CHN2: variants seen among roughly 807,000 people sequenced by gnomAD.
CHN2 encodes chimerin 2.
A neutral mutation model predicts 56.3 loss-of-function variants in CHN2; 35 were observed. That is an observed-to-expected ratio of 0.62 (90% CI 0.47 to 0.82). The LOEUF (loss-of-function observed/expected upper bound fraction) is 0.82, where lower values mean the gene tolerates loss of function less well. Among genes scored for constraint, CHN2 ranks in the 40% least tolerant of loss-of-function variants. The pLI is 0.00. For missense variants in CHN2, 491 were observed against 580.5 expected (o/e 0.85, Z 1.58); for synonymous variants, 210 against 212.8 (o/e 0.99, Z 0.12).
At chr7:29,338,829 C>G (rs985294823) in intron 1 of CHN2, among the ~76,000 whole-genome samples, 17 of 152,344 alleles carry the variant, frequency 1.1e-4, no homozygotes, top group African/African-American at 3.8e-4. Context: ...ATCTCCCTCT[C>G]TCAGCCTCCC....
chr7:29,242,757 C>CT (rs1787779620), intron 1 of CHN2, among the ~76,000 whole-genome samples: 4 of 44,244 alleles, frequency 9.0e-5, no homozygotes. Flanking sequence ...GACTTTCCTT[C>CT]TGAAAAAAAA....
At chr7:29,374,355 A>G (rs952929315) in intron 3 of CHN2, among the ~76,000 whole-genome samples, 1 of 151,946 alleles carries the variant, frequency 6.6e-6, no homozygotes, top group African/African-American at 2.4e-5. Flanking sequence ...TGACATATGA[A>G]TTTTTTTCCC....
intron 1 of CHN2, among the ~76,000 whole-genome samples, chr7:29,233,104 A>G (rs1786852552): frequency 6.6e-6 from 1 of 152,248 alleles, no homozygotes; most frequent in Non-Finnish European, 1.5e-5. Context: ...GAGCTCAGGT[A>G]CCAGTGTCTG....
intron 1 of CHN2, among the ~76,000 whole-genome samples, chr7:29,245,561 A>T (rs1021495307): frequency 2.0e-5 from 3 of 152,230 alleles, no homozygotes; most frequent in Non-Finnish European, 4.4e-5. Flanking sequence ...CACACCCTTT[A>T]CGTGCATTAT....
intron 1 of CHN2, among the ~76,000 whole-genome samples, chr7:29,226,457 T>C (rs1786207461): frequency 6.6e-6 from 1 of 152,186 alleles, no homozygotes. Flanking sequence ...TGAAGACAGT[T>C]ACTGTCTTAG....
intron 1 of CHN2, among the ~76,000 whole-genome samples, chr7:29,340,609 A>C (rs1168324958): frequency 6.6e-6 from 1 of 152,222 alleles, no homozygotes; most frequent in African/African-American, 2.4e-5. Flanking sequence ...ACTGTGTACC[A>C]ACTGGACAGT....
At position 29,237,762 on chromosome 7, in the gene CHN2, G is replaced by A. The variant is rs185244096; in HGVS notation, c.49+42772G>A. 2.3e-3 allele frequency among the ~76,000 whole-genome samples: 351 copies of A among 152,236 alleles called. 1 individual carries two copies. Among genetic ancestry groups the A allele is most frequent in the African/African-American group, 8.0e-3 (333 of 41,558 alleles). ...ACAGAAGTTCCAAAGCCAGATAAAT[G>A]AGAGATGCATATAGGAGACCAGTGG... is the stretch of plus-strand genomic sequence containing the variant. On this transcript the variant is annotated intron_variant, in intron 1 of 12. Coordinates refer to ENST00000222792, the MANE Select transcript of CHN2 (RefSeq NM_004067.4).
intron 3 of CHN2, chr7:29,376,363 G>T (rs987005364): frequency 6.6e-6 from 1 of 152,162 alleles, no homozygotes; most frequent in Non-Finnish European, 1.5e-5. Context: ...GCACAAGAGG[G>T]GCAAAGGCCA....
At chr7:29,368,633 A>T (rs1405996548) in intron 3 of CHN2, among the ~76,000 whole-genome samples, 1 of 152,110 alleles carries the variant, frequency 6.6e-6, no homozygotes, top group African/African-American at 2.4e-5. Flanking sequence ...TATTAATGGG[A>T]TTAAATATAG....
At chr7:29,474,687 A>G (rs1786442933) in intron 6 of CHN2, among the ~76,000 whole-genome samples, 1 of 152,236 alleles carries the variant, frequency 6.6e-6, no homozygotes, top group South Asian at 2.1e-4. Flanking sequence ...CTGTAGAGCT[A>G]TCAGCAGCAC....
At chr7:29,333,197 A>G (rs1269179090) in intron 1 of CHN2, among the ~76,000 whole-genome samples, 1 of 152,120 alleles carries the variant, frequency 6.6e-6, no homozygotes, top group African/African-American at 2.4e-5. Context: ...GGGTGTACAG[A>G]GCAGCAATGG....
intron 1 of CHN2, among the ~76,000 whole-genome samples, chr7:29,201,694 C>T (rs1442748680): frequency 2.0e-5 from 3 of 152,122 alleles, no homozygotes; most frequent in Admixed American, 6.5e-5. Context: ...CTCAATAGCA[C>T]ACATGGCCAG....
chr7:29,450,612 T>C (rs1427462502), intron 6 of CHN2, among the ~76,000 whole-genome samples: 1 of 152,180 alleles, frequency 6.6e-6, no homozygotes, highest in Non-Finnish European at 1.5e-5. Context: ...CAGCCCTCGA[T>C]TGCAGCCCCA....
chr7:29,431,023 G>A (rs141295806), intron 6 of CHN2, among the ~76,000 whole-genome samples: 18 of 152,192 alleles, frequency 1.2e-4, no homozygotes, highest in East Asian at 1.9e-4. Context: ...TCCTGCTGGC[G>A]AGTAAGAAAG....
chr7:29,507,181 G>A (rs201910756), intron 10 of CHN2, 47 bp from the exon 11 acceptor site: 8 of 1,527,202 alleles, frequency 5.2e-6, no homozygotes, highest in African/African-American at 4.2e-5. Flanking sequence ...ACATGCCTTG[G>A]TGAAATAAGG....
intron 1 of CHN2, among the ~76,000 whole-genome samples, chr7:29,218,520 A>G (rs1020114032): frequency 2.0e-5 from 3 of 152,164 alleles, no homozygotes; most frequent in Non-Finnish European, 2.9e-5. Flanking sequence ...TTATAGCGGC[A>G]CTATTCACAA....
At chr7:29,412,926 GGAA>G (rs1164978551) in intron 6 of CHN2, among the ~76,000 whole-genome samples, 3 of 152,258 alleles carry the variant, frequency 2.0e-5, no homozygotes, top group Non-Finnish European at 2.9e-5. Flanking sequence ...ATCAACTGTG[GGAA>G]GAAGAAGGAT....
At chr7:29,415,336 A>G (rs1803627583) in intron 6 of CHN2, among the ~76,000 whole-genome samples, 1 of 152,218 alleles carries the variant, frequency 6.6e-6, no homozygotes, top group African/African-American at 2.4e-5. Flanking sequence ...GATGCTAGAG[A>G]TGGAGAATGT....
At chr7:29,436,445 G>C (rs888161825) in intron 6 of CHN2, among the ~76,000 whole-genome samples, 4 of 152,118 alleles carry the variant, frequency 2.6e-5, no homozygotes, top group African/African-American at 9.7e-5. Flanking sequence ...TGGGAAAAAA[G>C]CTGCCAACTT....
Sources: gnomAD v4.1 joint callset for allele counts (sites outside exome capture counted in the v4.1 genomes callset) on GRCh38, gnomAD v4.1.1 for gene constraint, MANE v1.5 for transcripts, NCBI Gene and HGNC (gene_info 2026-07-23, HGNC 2026-07-21) for gene names.